The following SHANK2 variants were observed in gnomAD, a reference collection of about 807,000 sequenced individuals.
SHANK2 encodes the protein SH3 and multiple ankyrin repeat domains 2, also known as SH3 and multiple ankyrin repeat domains protein 2.
Under a neutral mutation model 133.7 loss-of-function variants are expected in SHANK2, and 43 were observed. That is an observed-to-expected ratio of 0.32 (90% CI 0.25 to 0.41). The LOEUF (loss-of-function observed/expected upper bound fraction) is 0.41. Ranked by LOEUF, SHANK2 falls within the 10% of genes least tolerant of loss-of-function variation. The pLI is 1.00. For missense variants in SHANK2, 1,994 were observed against 2,235.8 expected (o/e 0.89, Z 2.18); for synonymous variants, 1,017 against 952.8 (o/e 1.07, Z -1.24).
At chr11:70,754,630 T>C (rs1946826475) in intron 14 of SHANK2, among the ~76,000 whole-genome samples, 1 of 152,056 alleles carries the variant, frequency 6.6e-6, no homozygotes, top group Non-Finnish European at 1.5e-5. Context: ...CACATTTGGG[T>C]TCTGAGTAGC....
chr11:70,529,827 A>G (rs2059445423), intron 17 of SHANK2, among the ~76,000 whole-genome samples: 1 of 152,082 alleles, frequency 6.6e-6, no homozygotes, highest in African/African-American at 2.4e-5. Context: ...ACCTGGCCTC[A>G]TGTTTTCAGG....
chr11:70,878,758 GC>G (rs1159430930), intron 11 of SHANK2, among the ~76,000 whole-genome samples: 26 of 152,294 alleles, frequency 1.7e-4, no homozygotes, highest in African/African-American at 6.3e-4. Context: ...CAAGCTCTCT[GC>G]TGCGCTACCC....
At chr11:70,577,787 C>A (rs979574384) in intron 17 of SHANK2, among the ~76,000 whole-genome samples, 7 of 152,202 alleles carry the variant, frequency 4.6e-5, no homozygotes, top group Admixed American at 4.6e-4. Flanking sequence ...CAGTCCCGAC[C>A]CCCACAACCT....
Position 70,863,714 on chromosome 11 carries a change from A to G in SHANK2, c.1174+32787T>C, listed in dbSNP as rs1270271241. 22 of 429,356 alleles carry G rather than the reference A, an allele frequency of 5.1e-5. No homozygotes were observed. The Admixed American group carries it at 5.4e-4, about 11-fold the overall frequency. The allele number at this position is 429,356 out of a possible 1,614,324, so 26.6% of individuals were successfully genotyped here. On this transcript the variant is annotated intron_variant, in intron 11 of 25. Coordinates refer to ENST00000601538, the MANE Select transcript of SHANK2 (RefSeq NM_012309.5). The stretch of plus-strand genomic sequence containing the variant: ...ACTGGCACCCCGTTTCGGCCTCTTT[A>G]TTTGGAGATGAGATCTTTACAGCTA...
At chr11:70,528,970 G>C (rs573213616) in intron 17 of SHANK2, among the ~76,000 whole-genome samples, 1 of 152,152 alleles carries the variant, frequency 6.6e-6, no homozygotes, top group African/African-American at 2.4e-5. Flanking sequence ...GGCCTTGTGG[G>C]AGCCTTAGGG....
chr11:71,105,941 G>A (rs1951796597), intron 6 of SHANK2, among the ~76,000 whole-genome samples: 1 of 152,198 alleles, frequency 6.6e-6, no homozygotes. Flanking sequence ...TGTAAGCTCT[G>A]TACTTGAGGA....
chr11:70,945,666 T>C (rs1469015102), intron 10 of SHANK2, among the ~76,000 whole-genome samples: 4 of 152,180 alleles, frequency 2.6e-5, no homozygotes, highest in African/African-American at 9.7e-5. Flanking sequence ...CATCAGGGCA[T>C]GTGGGCAGGG....
At chr11:71,194,959 T>C (rs114778358) in intron 2 of SHANK2, among the ~76,000 whole-genome samples, 1,630 of 152,340 alleles carry the variant, frequency 0.011, 31 homozygotes, top group African/African-American at 0.036. Context: ...CGTGGGTTAA[T>C]GGTTTACAAT....
At chr11:70,776,148 A>C (rs981810016) in intron 14 of SHANK2, among the ~76,000 whole-genome samples, 25 of 152,294 alleles carry the variant, frequency 1.6e-4, no homozygotes, top group African/African-American at 3.8e-4. Context: ...CAGTGTTTCC[A>C]CTGCATGTAC....
intron 11 of SHANK2, among the ~76,000 whole-genome samples, chr11:70,886,705 A>T (rs1555073585): frequency 6.8e-6 from 1 of 147,592 alleles, no homozygotes. Flanking sequence ...AATCACACAC[A>T]CACACACACA....
At chr11:70,576,567 G>A (rs1450921880) in intron 17 of SHANK2, among the ~76,000 whole-genome samples, 1 of 152,074 alleles carries the variant, frequency 6.6e-6, no homozygotes, top group East Asian at 1.9e-4. Flanking sequence ...AACCCGGGAG[G>A]CGGAGCTTGC....
chr11:70,797,071 T>C (rs782319430), intron 14 of SHANK2, among the ~76,000 whole-genome samples: 1 of 152,206 alleles, frequency 6.6e-6, no homozygotes, highest in Non-Finnish European at 1.5e-5. Context: ...GCCCCAGCTC[T>C]GTGACTTCCC....
At chr11:70,498,263 C>T (rs1232912671) in intron 21 of SHANK2, among the ~76,000 whole-genome samples, 1 of 152,272 alleles carries the variant, frequency 6.6e-6, no homozygotes, top group Non-Finnish European at 1.5e-5. Flanking sequence ...AAAACACACA[C>T]ATCTGCAGCG....
At chr11:71,167,790 G>C (rs1195170945) in intron 2 of SHANK2, among the ~76,000 whole-genome samples, 1 of 143,762 alleles carries the variant, frequency 7.0e-6, no homozygotes, top group Non-Finnish European at 1.5e-5. Context: ...CTGGCCGGGC[G>C]GGGGGCTGAT....
intron 17 of SHANK2, among the ~76,000 whole-genome samples, chr11:70,532,866 C>T (rs370781231): frequency 3.5e-4 from 54 of 152,158 alleles, no homozygotes; most frequent in Admixed American, 6.5e-4. Context: ...CCAGTGTCTA[C>T]GGACAGAGGG....
chr11:70,743,370 T>C (rs1946572697), intron 14 of SHANK2, among the ~76,000 whole-genome samples: 1 of 152,156 alleles, frequency 6.6e-6, no homozygotes, highest in African/African-American at 2.4e-5. Flanking sequence ...ATTAGTGTCT[T>C]TGCGAGAATA....
intron 10 of SHANK2, among the ~76,000 whole-genome samples, chr11:70,927,684 A>G (rs1555081854): frequency 6.6e-6 from 1 of 152,134 alleles, no homozygotes; most frequent in African/African-American, 2.4e-5. Flanking sequence ...ACCTTGACTG[A>G]GTTCCAGGGT....
chr11:71,077,578 C>T (rs967850598), intron 8 of SHANK2, among the ~76,000 whole-genome samples: 1 of 152,144 alleles, frequency 6.6e-6, no homozygotes, highest in Non-Finnish European at 1.5e-5. Context: ...ACCCAGAATC[C>T]CACAGTCTTA....
chr11:71,216,201 G>T (rs1954410444), intron 2 of SHANK2, among the ~76,000 whole-genome samples: 1 of 152,176 alleles, frequency 6.6e-6, no homozygotes, highest in Non-Finnish European at 1.5e-5. Flanking sequence ...GCCAAAAAGT[G>T]GGAACAACCC....
Sources: gnomAD v4.1 joint callset for allele counts (sites outside exome capture counted in the v4.1 genomes callset) on GRCh38, gnomAD v4.1.1 for gene constraint, MANE v1.5 for transcripts, NCBI Gene and HGNC (gene_info 2026-07-23, HGNC 2026-07-21) for gene names.